Variants in PCBP3 observed in about 807,000 individuals in gnomAD.
PCBP3 encodes poly(rC)-binding protein 3.
In PCBP3, 25 loss-of-function variants were observed where a neutral mutation model predicts 52.7. That is an observed-to-expected ratio of 0.47 (90% CI 0.35 to 0.66). PCBP3 has a LOEUF of 0.66. Among genes scored for constraint, PCBP3 ranks in the 30% least tolerant of loss-of-function variants. The pLI, the probability that PCBP3 is intolerant of heterozygous loss-of-function variation, is 0.01. For missense variants in PCBP3, 391 were observed against 490.3 expected (o/e 0.80, Z 1.91); for synonymous variants, 162 against 183.0 (o/e 0.89, Z 0.93).
chr21:45,690,410 T>C (rs2082390151), intron 2 of PCBP3, among the ~76,000 whole-genome samples: 1 of 152,118 alleles, frequency 6.6e-6, no homozygotes, highest in South Asian at 2.1e-4. Flanking sequence ...GCTAGATTCT[T>C]AGATACATCA....
Position 45,893,053 on chromosome 21 carries a change from G to A in PCBP3, c.11-3155G>A, listed in dbSNP as rs185584005. Among the ~76,000 whole-genome samples the A allele has an allele frequency of 2.4e-3, 360 of 152,262 alleles. 2 individuals carry two copies. The highest frequency in any genetic ancestry group is 8.4e-3 in the African/African-American group (348 of 41,530). On this transcript the variant is annotated intron_variant, in intron 5 of 17. Coordinates refer to ENST00000681687, the MANE Select transcript of PCBP3 (RefSeq NM_001384156.1). ...TGAGGAGGGACCATGATGGAGCGAG[G>A]ACTGAGTGCAGGAAGGAGGGTGTTC...
chr21:45,849,592 A>C (rs1192103163), intron 4 of PCBP3, among the ~76,000 whole-genome samples: 1 of 152,228 alleles, frequency 6.6e-6, no homozygotes, highest in African/African-American at 2.4e-5. Flanking sequence ...CTATCAGTGA[A>C]ATTAGAAAAC....
At chr21:45,783,016 A>G (rs2090762220) in intron 4 of PCBP3, among the ~76,000 whole-genome samples, 1 of 152,228 alleles carries the variant, frequency 6.6e-6, no homozygotes, top group Admixed American at 6.5e-5. Context: ...ATCTCATATA[A>G]TGACCATTCA....
chr21:45,916,849 A>T (rs1428242614), intron 12 of PCBP3: 1 of 152,156 alleles, frequency 6.6e-6, no homozygotes, highest in Non-Finnish European at 1.5e-5. Flanking sequence ...TTTCTGAATC[A>T]CCTGAAAGCG....
At chr21:45,745,192 A>T (rs185159788) in intron 3 of PCBP3, among the ~76,000 whole-genome samples, 27 of 152,308 alleles carry the variant, frequency 1.8e-4, no homozygotes, top group African/African-American at 6.3e-4. Context: ...CTTCTGTGTG[A>T]GACCCATAGG....
chr21:45,786,737 C>T (rs1311668345), intron 4 of PCBP3, among the ~76,000 whole-genome samples: 1 of 152,218 alleles, frequency 6.6e-6, no homozygotes, highest in Non-Finnish European at 1.5e-5. Flanking sequence ...AAACCTGAGA[C>T]ATGATGTGAA....
rs138226209 is a variant in PCBP3 at position 45,667,075 on chromosome 21, G to GTTCTTTCTTTCTTTCTTTCT, written c.-278-1784_-278-1765dup. On this transcript the variant is annotated intron_variant, in intron 1 of 17. Coordinates refer to ENST00000681687, the MANE Select transcript of PCBP3 (RefSeq NM_001384156.1). Reference sequence around the variant, plus strand: ...TGAGAGTTTCATTATGCATCTGTTTGTTCTTTCTTTCTTTCTTTCTTTCTT... The same window carrying GTTCTTTCTTTCTTTCTTTCT: ...TGAGAGTTTCATTATGCATCTGTTTGTTCTTTCTTTCTTTCTTTCTTTCTTTCTTTCTTTCTTTCTTTCTT... Among the ~76,000 whole-genome samples the GTTCTTTCTTTCTTTCTTTCT allele has an allele frequency of 1.8e-3, 273 of 147,666 alleles. 3 individuals carry two copies. Among genetic ancestry groups the GTTCTTTCTTTCTTTCTTTCT allele is most frequent in the African/African-American group, 6.4e-3 (252 of 39,596 alleles).
intron 2 of PCBP3, among the ~76,000 whole-genome samples, chr21:45,685,537 A>G (rs1293786286): frequency 6.6e-6 from 1 of 152,246 alleles, no homozygotes; most frequent in African/African-American, 2.4e-5. Context: ...AAAACTGGAA[A>G]AATATATAAA....
chr21:45,930,171 G>A (rs558931503), intron 14 of PCBP3, among the ~76,000 whole-genome samples, 176 bp downstream of exon 14: 2 of 151,814 alleles, frequency 1.3e-5, no homozygotes, highest in South Asian at 2.1e-4. Flanking sequence ...CAGGGTGGGG[G>A]CGGGAGGTGG....
chr21:45,669,835 A>G (rs1375087747), intron 2 of PCBP3, among the ~76,000 whole-genome samples: 1 of 136,562 alleles, frequency 7.3e-6, no homozygotes, highest in Non-Finnish European at 1.6e-5. Flanking sequence ...ATATATATAT[A>G]TATATATATA....
At chr21:45,864,005 C>G (rs1440640412) in intron 5 of PCBP3, among the ~76,000 whole-genome samples, 1 of 152,194 alleles carries the variant, frequency 6.6e-6, no homozygotes, top group Non-Finnish European at 1.5e-5. Flanking sequence ...AACAGGGTTC[C>G]TTCTGAGGAC....
At chr21:45,691,840 G>A (rs2082500354) in intron 2 of PCBP3, among the ~76,000 whole-genome samples, 1 of 152,074 alleles carries the variant, frequency 6.6e-6, no homozygotes, top group African/African-American at 2.4e-5. Context: ...ATAATTGACT[G>A]GAAACTAAAG....
chr21:45,896,402 G>A (rs61573173), intron 6 of PCBP3, 40 bp downstream of exon 6: 38 of 1,539,898 alleles, frequency 2.5e-5, no homozygotes, highest in East Asian at 2.0e-4. Context: ...AAAGGCGGCC[G>A]CGGCAGACAG....
chr21:45,751,200 C>T (rs969857435), intron 3 of PCBP3: 2 of 152,194 alleles, frequency 1.3e-5, no homozygotes, highest in Non-Finnish European at 2.9e-5. Flanking sequence ...CGTTTGCTGG[C>T]ATACCTCTAG....
At chr21:45,900,537 C>T (rs371511089) in intron 7 of PCBP3, 54 bp from the exon 8 acceptor site, 162 of 1,453,352 alleles carry the variant, frequency 1.1e-4, no homozygotes, top group African/African-American at 1.1e-3. Context: ...TGGGCCGCGC[C>T]GTCCTCAGAG....
chr21:45,706,621 A>T (rs551705241), intron 2 of PCBP3, among the ~76,000 whole-genome samples: 2 of 152,334 alleles, frequency 1.3e-5, no homozygotes, highest in South Asian at 4.1e-4. Flanking sequence ...TTTTTGGCTT[A>T]ATCAGCAAGT....
chr21:45,835,213 G>T (rs1481690690), intron 4 of PCBP3, among the ~76,000 whole-genome samples: 4 of 152,130 alleles, frequency 2.6e-5, no homozygotes, highest in African/African-American at 9.7e-5. Flanking sequence ...GGCCCCGGGG[G>T]CGGGGCCTAC....
At chr21:45,661,952 C>G (rs1048038394) in intron 1 of PCBP3, among the ~76,000 whole-genome samples, 3 of 151,896 alleles carry the variant, frequency 2.0e-5, no homozygotes, top group African/African-American at 7.3e-5. Context: ...TGAAAAATGC[C>G]TGTTCATGTT....
At chr21:45,718,182 A>G (rs1174332565) in intron 2 of PCBP3, among the ~76,000 whole-genome samples, 1 of 146,340 alleles carries the variant, frequency 6.8e-6, no homozygotes, top group African/African-American at 2.5e-5. Flanking sequence ...TTCATTCCTA[A>G]TTTTAATAAT....
Sources: allele counts gnomAD v4.1 joint callset (sites outside exome capture counted in the v4.1 genomes callset), GRCh38; gene constraint gnomAD v4.1.1; transcripts MANE v1.5; gene names NCBI Gene and HGNC (gene_info 2026-07-23, HGNC 2026-07-21).